Variants in SLC11A2 observed in about 807,000 individuals in gnomAD.
The protein encoded by SLC11A2 is solute carrier family 11 member 2, also known as natural resistance-associated macrophage protein 2.
SLC11A2 carries 38 observed loss-of-function variants against 68.0 expected under a neutral mutation model. The ratio of observed to expected loss-of-function variants is 0.56; its 90% confidence interval spans 0.43 to 0.73. The LOEUF (loss-of-function observed/expected upper bound fraction) is 0.73. SLC11A2 is among the 30% of genes least tolerant of loss of function. The pLI, the probability that SLC11A2 is intolerant of heterozygous loss-of-function variation, is 0.00. For synonymous variants in SLC11A2, 242 were observed against 250.6 expected (o/e 0.97, Z 0.32); for missense variants, 517 against 690.5 (o/e 0.75, Z 2.82).
chr12:51,014,081 C>T (rs1187729360), intron 1 of SLC11A2: 1 of 152,208 alleles, frequency 6.6e-6, no homozygotes, highest in Admixed American at 6.5e-5. Flanking sequence ...CACGGCCTCC[C>T]AAAGTGCTGG....
the SLC11A2 span, among the ~76,000 whole-genome samples, chr12:50,973,067 A>G: frequency 2.6e-5 from 4 of 152,190 alleles, no homozygotes; most frequent in African/African-American, 9.6e-5. Flanking sequence ...CTCTGGGGGC[A>G]GGGCATAGCC....
At chr12:51,020,335 T>C (rs1943954745) in intron 1 of SLC11A2, among the ~76,000 whole-genome samples, 1 of 152,040 alleles carries the variant, frequency 6.6e-6, no homozygotes, top group East Asian at 1.9e-4. Context: ...TTATCCTGTT[T>C]TCCTCTTATT....
chr12:51,002,867 G>A (rs528833107), intron 5 of SLC11A2, among the ~76,000 whole-genome samples: 2 of 150,708 alleles, frequency 1.3e-5, no homozygotes, highest in South Asian at 4.2e-4. Context: ...TTGAACCCAA[G>A]AGGCGGAGGT....
rs1469622244 is a variant in SLC11A2, at chr12:50,988,356, G to C, written c.1655C>G (p.Thr552Arg). 5 of 1,613,944 alleles carry C rather than the reference G, an allele frequency of 3.1e-6. No individual in the cohort carries two copies. The highest frequency in any genetic ancestry group is 4.5e-5 in the East Asian group (2 of 44,888). ...HTVSISKGLLTEEATRGYVK is the reference protein window; with the variant it reads ...HTVSISKGLLREEATRGYVK Reference sequence around the variant, plus strand: ...AACGTAGCCACGGGTGGCTTCTTCTGTCAGCAGGCCTTTAGAGATGCTTAC... The same window carrying C: ...AACGTAGCCACGGGTGGCTTCTTCTCTCAGCAGGCCTTTAGAGATGCTTAC... The change falls in exon 16 of 16, where the codon ACA becomes AGA. Residue 552 changes from threonine (T) to arginine (R), a missense_variant. Coordinates refer to ENST00000262052, the MANE Select transcript of SLC11A2 (RefSeq NM_000617.3).
intron 5 of SLC11A2, chr12:51,000,621 C>T (rs118127116): frequency 3.3e-6 from 2 of 609,354 alleles, no homozygotes; most frequent in East Asian, 5.5e-5. Flanking sequence ...AGTGTGCTAC[C>T]ACGTGGCAGA....
Position 50,987,508 on chromosome 12 carries a change from GAGAA to G in SLC11A2, c.*813_*816del, listed in dbSNP as rs1940709146. Reference sequence around the variant, plus strand: ...ATCTGTTTCTATCACCACCCTCCTGGAGAAAGAAAGTTAAGGTTTTACAACCACA... The same window carrying G: ...ATCTGTTTCTATCACCACCCTCCTGGAGAAAGTTAAGGTTTTACAACCACA... On this transcript the variant is annotated 3_prime_UTR_variant, in exon 16 of 16. Transcript: ENST00000262052. The G allele has an allele frequency of 7.8e-7, 1 of 1,287,174 alleles. No individual in the cohort carries two copies. The highest frequency in any genetic ancestry group is 1.0e-6 in the Non-Finnish European group (1 of 988,688). 79.7% of individuals were successfully genotyped at this position (1,287,174 alleles called of 1,614,324 possible). A position where few individuals can be genotyped will look rare whatever the true frequency, so the allele number is the denominator to read the frequency against.
intron 3 of SLC11A2, chr12:51,005,640 G>T (rs188840629): frequency 1.0e-5 from 14 of 1,393,986 alleles, no homozygotes; most frequent in Middle Eastern, 1.9e-4. Context: ...CCAAGTCAAA[G>T]CTCTTCCCTT....
At chr12:51,017,952 A>G (rs1220393524) in intron 1 of SLC11A2, among the ~76,000 whole-genome samples, 1 of 152,190 alleles carries the variant, frequency 6.6e-6, no homozygotes, top group African/African-American at 2.4e-5. Flanking sequence ...CTTTTCTGCA[A>G]GTTTGAAATT....
intron 5 of SLC11A2, among the ~76,000 whole-genome samples, chr12:51,002,638 CAA>C (rs755823057): frequency 8.4e-5 from 6 of 71,778 alleles, no homozygotes; most frequent in South Asian, 1.3e-3. Context: ...GACTTGGTCT[CAA>C]AAAAAAAAAA....
rs768185679 is a variant in SLC11A2, at chr12:51,004,764, C to T, written c.429+24G>A. On this transcript the variant is annotated intron_variant, in intron 5 of 15. Transcript: ENST00000262052. ...AGATTCCTATGGCATGGGTGAGAGACAAACAGGACAATACATTGCTCACCT... is the reference window on the plus strand; with the variant it reads ...AGATTCCTATGGCATGGGTGAGAGATAAACAGGACAATACATTGCTCACCT... The T allele has an allele frequency of 3.7e-6, 6 of 1,612,800 alleles. No individual in the cohort carries two copies. In the South Asian group the frequency reaches 6.6e-5, roughly 18 times the overall value.
chr12:50,966,233 C>G, the SLC11A2 span, among the ~76,000 whole-genome samples: 1 of 152,190 alleles, frequency 6.6e-6, no homozygotes, highest in Admixed American at 6.6e-5. Flanking sequence ...TTCTGGCATA[C>G]AGAGAACAGT....
intron 4 of SLC11A2, 117 bp downstream of exon 4, chr12:51,005,193 CT>C (rs1370348239): frequency 1.8e-6 from 2 of 1,136,010 alleles, no homozygotes; most frequent in Non-Finnish European, 2.7e-6. Context: ...ATAAGAGCCA[CT>C]GCCAATGAAG....
chr12:50,999,599 T>C, intron 6 of SLC11A2, 184 bp from the exon 7 acceptor site: 1 of 631,052 alleles, frequency 1.6e-6, no homozygotes, highest in Non-Finnish European at 2.8e-6. Context: ...CTTAATTACA[T>C]TCATTTAAAC....
chr12:50,983,451 C>T (rs1940246883), downstream of SLC11A2, among the ~76,000 whole-genome samples: 1 of 152,192 alleles, frequency 6.6e-6, no homozygotes, highest in Non-Finnish European at 1.5e-5. Flanking sequence ...AAGCCCTTAA[C>T]TCTGCCACTT....
At position 50,988,348 on chromosome 12, in the gene SLC11A2, C is replaced by T. The variant is rs550969378; in HGVS notation, c.1663G>A (p.Ala555Thr). ...SISKGLLTEE[A>T]TRGYVK ...TGTTATTTAACGTAGCCACGGGTGG[C>T]TTCTTCTGTCAGCAGGCCTTTAGAG... Residue 555 changes from alanine (A) to threonine (T), a missense_variant, in exon 16 of 16, where the codon GCC (alanine) becomes ACC (threonine). Coordinates refer to ENST00000262052, the MANE Select transcript of SLC11A2 (RefSeq NM_000617.3). The T allele has an allele frequency of 2.0e-5, 33 of 1,614,048 alleles. No homozygotes were observed. In the East Asian group the frequency reaches 6.5e-4, roughly 32 times the overall value.
chr12:50,955,520 T>C, the SLC11A2 span, among the ~76,000 whole-genome samples: 7 of 152,224 alleles, frequency 4.6e-5, no homozygotes, highest in African/African-American at 1.7e-4. Flanking sequence ...AATAGTTTAC[T>C]TAAATCAGAC....
At chr12:50,970,148 T>C in the SLC11A2 span, among the ~76,000 whole-genome samples, 6 of 152,232 alleles carry the variant, frequency 3.9e-5, no homozygotes, top group African/African-American at 1.4e-4. Flanking sequence ...ACTACTATTT[T>C]TATCTTCACA....
chr12:51,025,099 C>T (rs1566048059), intron 1 of SLC11A2, among the ~76,000 whole-genome samples: 1 of 152,148 alleles, frequency 6.6e-6, no homozygotes, highest in Admixed American at 6.5e-5. Flanking sequence ...AACAAACACG[C>T]AGCAGAAATC....
downstream of SLC11A2, among the ~76,000 whole-genome samples, chr12:50,976,725 C>T (rs1024320664): frequency 1.1e-4 from 16 of 152,334 alleles, no homozygotes; most frequent in African/African-American, 3.8e-4. Context: ...TTGCAGATAA[C>T]ATGATTGTAT....
Sources: allele counts gnomAD v4.1 joint callset (sites outside exome capture counted in the v4.1 genomes callset), GRCh38; gene constraint gnomAD v4.1.1; transcripts MANE v1.5; gene names NCBI Gene and HGNC (gene_info 2026-07-23, HGNC 2026-07-21).